Variants in SNTG1 observed in about 807,000 individuals in gnomAD.
SNTG1 encodes the protein gamma-1-syntrophin.
SNTG1 carries 39 observed loss-of-function variants against 74.7 expected under a neutral mutation model. The observed-to-expected ratio is 0.52, with a 90% CI of 0.40 to 0.68. The LOEUF is 0.68. Ranked by LOEUF, SNTG1 falls within the 30% of genes least tolerant of loss-of-function variation. The pLI is 0.00. For synonymous variants in SNTG1, 254 were observed against 217.1 expected (o/e 1.17, Z -1.49); for missense variants, 685 against 609.5 (o/e 1.12, Z -1.30).
At chr8:50,317,899 C>T (rs1182523110) in intron 2 of SNTG1, among the ~76,000 whole-genome samples, 1 of 152,130 alleles carries the variant, frequency 6.6e-6, no homozygotes, top group African/African-American at 2.4e-5. Flanking sequence ...TGCAGTGGCG[C>T]AATCTCTGCT....
intron 1 of SNTG1, among the ~76,000 whole-genome samples, chr8:50,133,694 C>A (rs2081384685): frequency 6.6e-6 from 1 of 152,138 alleles, no homozygotes; most frequent in Non-Finnish European, 1.5e-5. Context: ...GTCTCTGCCT[C>A]CACTGGCACA....
chr8:50,003,282 G>A (rs1814915133), intron 1 of SNTG1, among the ~76,000 whole-genome samples: 1 of 152,162 alleles, frequency 6.6e-6, no homozygotes, highest in African/African-American at 2.4e-5. Flanking sequence ...AAATATAATG[G>A]CATTTTATAT....
chr8:50,029,875 T>C (rs1172519866), intron 1 of SNTG1, among the ~76,000 whole-genome samples: 1 of 152,134 alleles, frequency 6.6e-6, no homozygotes. Flanking sequence ...GCAGTGGGAT[T>C]GCTGGCTCAT....
At chr8:50,594,944 A>T (rs546143585) in intron 13 of SNTG1, among the ~76,000 whole-genome samples, 1,895 of 152,076 alleles carry the variant, frequency 0.012, 45 homozygotes, top group African/African-American at 0.042. Flanking sequence ...TGGCTTACAT[A>T]ATAATGATGC....
intron 1 of SNTG1, among the ~76,000 whole-genome samples, chr8:50,153,004 C>T (rs755417848): frequency 6.6e-6 from 1 of 152,154 alleles, no homozygotes; most frequent in Non-Finnish European, 1.5e-5. Flanking sequence ...GAGTGTTTTC[C>T]AACTTGGTTC....
intron 4 of SNTG1, among the ~76,000 whole-genome samples, chr8:50,425,130 C>G (rs971308853): frequency 6.6e-6 from 1 of 152,000 alleles, no homozygotes; most frequent in Admixed American, 6.6e-5. Flanking sequence ...ACAAGATTTG[C>G]GTCCGGGCAG....
chr8:50,597,605 A>G (rs967691679), intron 13 of SNTG1, among the ~76,000 whole-genome samples: 2 of 151,654 alleles, frequency 1.3e-5, no homozygotes, highest in African/African-American at 2.4e-5. Flanking sequence ...TGGTAATTCA[A>G]TTTTGATTTT....
At chr8:50,462,952 G>C (rs1419086815) in intron 8 of SNTG1, among the ~76,000 whole-genome samples, 1 of 151,640 alleles carries the variant, frequency 6.6e-6, no homozygotes, top group Non-Finnish European at 1.5e-5. Flanking sequence ...AAGTAGCTCG[G>C]ACTACAGGTG....
At chr8:50,220,410 T>G (rs2085005020) in intron 2 of SNTG1, among the ~76,000 whole-genome samples, 1 of 152,104 alleles carries the variant, frequency 6.6e-6, no homozygotes, top group African/African-American at 2.4e-5. Context: ...CAAAGAGTTG[T>G]GGAAGACAGT....
At chr8:50,030,378 T>A (rs1817641239) in intron 1 of SNTG1, among the ~76,000 whole-genome samples, 1 of 152,096 alleles carries the variant, frequency 6.6e-6, no homozygotes, top group South Asian at 2.1e-4. Context: ...TTTGCCTTGG[T>A]CGCTGTGCTT....
chr8:50,102,408 T>A (rs1293539662), intron 1 of SNTG1, among the ~76,000 whole-genome samples: 1 of 150,722 alleles, frequency 6.6e-6, no homozygotes, highest in Non-Finnish European at 1.5e-5. Context: ...ATGGGGTTGT[T>A]TGTTTTTTTC....
At chr8:50,425,369 C>A (rs1225925291) in intron 4 of SNTG1, among the ~76,000 whole-genome samples, 1 of 151,990 alleles carries the variant, frequency 6.6e-6, no homozygotes, top group African/African-American at 2.4e-5. Context: ...GAAGCACATA[C>A]CCTATTATGA....
intron 2 of SNTG1, among the ~76,000 whole-genome samples, chr8:50,379,248 C>T (rs2092440823): frequency 6.6e-6 from 1 of 152,158 alleles, no homozygotes; most frequent in Non-Finnish European, 1.5e-5. Context: ...CCCGACTTTG[C>T]TCCGAGATCA....
At chr8:50,213,966 G>A (rs1186710691) in intron 2 of SNTG1, among the ~76,000 whole-genome samples, 4 of 151,880 alleles carry the variant, frequency 2.6e-5, no homozygotes. Context: ...GGCTTTTGTT[G>A]CCATTGCCTT....
chr8:50,197,020 G>C (rs965261061), intron 2 of SNTG1, among the ~76,000 whole-genome samples: 1 of 152,032 alleles, frequency 6.6e-6, no homozygotes, highest in East Asian at 1.9e-4. Flanking sequence ...GTAGCATACA[G>C]AGAGAGAAAG....
chr8:50,764,715 GC>G (rs1275236959), intron 18 of SNTG1, among the ~76,000 whole-genome samples: 1 of 151,902 alleles, frequency 6.6e-6, no homozygotes, highest in Non-Finnish European at 1.5e-5. Context: ...ACTGTGAAGA[GC>G]TTTCTCTAAA....
intron 18 of SNTG1, among the ~76,000 whole-genome samples, chr8:50,765,638 C>CAT (rs2095611750): frequency 6.6e-6 from 1 of 151,862 alleles, no homozygotes; most frequent in Non-Finnish European, 1.5e-5. Context: ...CTGTTAATGC[C>CAT]ATTTTTTAAA....
chr8:50,175,612 C>A (rs958363528), intron 2 of SNTG1, among the ~76,000 whole-genome samples: 3 of 152,146 alleles, frequency 2.0e-5, no homozygotes, highest in Admixed American at 2.0e-4. Context: ...TTTCACACTA[C>A]CATTGTGCAA....
At chr8:50,762,753 C>G (rs1214238868) in intron 18 of SNTG1, 3 of 480,686 alleles carry the variant, frequency 6.2e-6, no homozygotes, top group Non-Finnish European at 1.3e-5. Context: ...TGGCACTGGA[C>G]ACACTTCTGA....
Sources: gnomAD v4.1 joint callset for allele counts (sites outside exome capture counted in the v4.1 genomes callset) on GRCh38, gnomAD v4.1.1 for gene constraint, MANE v1.5 for transcripts, NCBI Gene and HGNC (gene_info 2026-07-23, HGNC 2026-07-21) for gene names.